TOPAZ1: variants seen among roughly 807,000 people sequenced by gnomAD.
TOPAZ1 encodes testis and ovary specific TOPAZ 1.
A neutral mutation model predicts 172.2 loss-of-function variants in TOPAZ1; 66 were observed. That is an observed-to-expected ratio of 0.38 (90% CI 0.31 to 0.47). The LOEUF (loss-of-function observed/expected upper bound fraction) is 0.47. TOPAZ1 is among the 20% of genes least tolerant of loss of function. The pLI, the probability that TOPAZ1 is intolerant of heterozygous loss-of-function variation, is 0.99. For synonymous variants in TOPAZ1, 681 were observed against 683.9 expected, an observed-to-expected ratio of 1.00 and a Z score of 0.07; for missense variants, 1,822 against 1,972.4, an observed-to-expected ratio of 0.92 and a Z score of 1.44.
chr3:44,250,456 A>G (rs1277309458), intron 2 of TOPAZ1, among the ~76,000 whole-genome samples: 1 of 152,110 alleles, frequency 6.6e-6, no homozygotes, highest in Non-Finnish European at 1.5e-5. Context: ...AAGAACTGAT[A>G]TTTAATGTCT....
intron 8 of TOPAZ1, among the ~76,000 whole-genome samples, chr3:44,279,834 G>A (rs373167247): frequency 3.9e-5 from 6 of 152,112 alleles, no homozygotes; most frequent in South Asian, 2.1e-4. Flanking sequence ...ATGTGTGAGG[G>A]CTTATTCCTG....
chr3:44,330,832 A>G (rs1402908850), intron 19 of TOPAZ1, among the ~76,000 whole-genome samples: 1 of 152,242 alleles, frequency 6.6e-6, no homozygotes, highest in African/African-American at 2.4e-5. Context: ...TGTGAATTTT[A>G]TGCAGGTCAG....
At chr3:44,309,752 T>G (rs1248198359) in intron 15 of TOPAZ1, 73 bp from the exon 16 acceptor site, 5 of 1,116,024 alleles carry the variant, frequency 4.5e-6, no homozygotes, top group Admixed American at 5.6e-5. Context: ...ACTTGGCTTG[T>G]GAATAATTAT....
chr3:44,331,148 G>T (rs969262257), intron 19 of TOPAZ1, among the ~76,000 whole-genome samples: 29 of 152,142 alleles, frequency 1.9e-4, no homozygotes, highest in Non-Finnish European at 2.9e-5. Flanking sequence ...AAAGATTTAG[G>T]TAATTAGCTG....
chr3:44,321,780 T>A (rs1700508108), intron 17 of TOPAZ1, among the ~76,000 whole-genome samples: 1 of 152,222 alleles, frequency 6.6e-6, no homozygotes, highest in South Asian at 2.1e-4. Context: ...TTAATTCCAC[T>A]GTGCTCCTGT....
intron 2 of TOPAZ1, among the ~76,000 whole-genome samples, chr3:44,247,648 G>A (rs1031971402): frequency 2.0e-5 from 3 of 151,952 alleles, no homozygotes; most frequent in African/African-American, 4.8e-5. Flanking sequence ...CTCTAATCTT[G>A]ACTATTTTTG....
In TOPAZ1 at chr3:44,303,998, CTT is replaced by C. The variant is rs1014174550; in HGVS notation, c.3798-14_3798-13del. The C allele has an allele frequency of 6.7e-6, 10 of 1,484,056 alleles. No homozygotes were observed. Among genetic ancestry groups the C allele is most frequent in the Non-Finnish European group, 9.2e-6 (10 of 1,090,436 alleles). 91.9% of individuals were successfully genotyped at this position (1,484,056 alleles called of 1,614,324 possible). A position where few individuals can be genotyped will look rare whatever the true frequency, so the allele number is the denominator to read the frequency against. ...AGGGGTGAATATAGTATAATTAACT[CTT>C]TTCTTTTGTTAAAGGTTACAGATGA... On this transcript the variant is annotated splice_polypyrimidine_tract_variant and intron_variant, in intron 12 of 19. Coordinates refer to ENST00000309765, the MANE Select transcript of TOPAZ1 (RefSeq NM_001145030.2).
intron 6 of TOPAZ1, among the ~76,000 whole-genome samples, chr3:44,267,729 T>G (rs1278962314): frequency 6.6e-6 from 1 of 152,208 alleles, no homozygotes; most frequent in Non-Finnish European, 1.5e-5. Flanking sequence ...TTGTGTCAGT[T>G]TTTTGATAAT....
At chr3:44,249,729 G>C (rs1054697069) in intron 2 of TOPAZ1, among the ~76,000 whole-genome samples, 2 of 152,132 alleles carry the variant, frequency 1.3e-5, no homozygotes, top group Admixed American at 1.3e-4. Flanking sequence ...ATTCCTATTT[G>C]AGAATATCGC....
At chr3:44,312,599 C>A (rs916093479) in intron 16 of TOPAZ1, among the ~76,000 whole-genome samples, 1 of 152,142 alleles carries the variant, frequency 6.6e-6, no homozygotes, top group Non-Finnish European at 1.5e-5. Flanking sequence ...ATTGTTTTGG[C>A]ATTTCACTTT....
At chr3:44,246,250 T>C (rs1699565505) in intron 2 of TOPAZ1, among the ~76,000 whole-genome samples, 1 of 141,192 alleles carries the variant, frequency 7.1e-6, no homozygotes, top group South Asian at 2.1e-4. Flanking sequence ...GAACTTAATC[T>C]ATTCTGTTTG....
intron 15 of TOPAZ1, among the ~76,000 whole-genome samples, chr3:44,307,558 A>G (rs1204390408): frequency 1.3e-5 from 2 of 152,146 alleles, no homozygotes; most frequent in Non-Finnish European, 2.9e-5. Flanking sequence ...AGAGGACAGG[A>G]AATCCAAAAT....
intron 13 of TOPAZ1, among the ~76,000 whole-genome samples, chr3:44,304,749 A>C (rs2125699653): frequency 6.6e-6 from 1 of 152,366 alleles, no homozygotes; most frequent in South Asian, 2.1e-4. Flanking sequence ...ATGGCCAGAT[A>C]ACATTAAAAT....
At chr3:44,286,420 A>G (rs1412841630) in intron 9 of TOPAZ1, among the ~76,000 whole-genome samples, 10 of 152,218 alleles carry the variant, frequency 6.6e-5, no homozygotes, top group Non-Finnish European at 1.0e-4. Flanking sequence ...TGCCAAAAGT[A>G]TAGCAGCAAG....
At chr3:44,251,971 TC>T (rs969788185) in intron 2 of TOPAZ1, among the ~76,000 whole-genome samples, 1 of 152,214 alleles carries the variant, frequency 6.6e-6, no homozygotes, top group African/African-American at 2.4e-5. Flanking sequence ...GATTTTTTTT[TC>T]ACCCAGGTGA....
Position 44,243,318 on chromosome 3 carries a change from A to C in TOPAZ1, c.812A>C (p.Lys271Thr), listed in dbSNP as rs557614641. ...GAAAACCTTAGGAGTCTTGCAGAGAAGAGTGACACAAATAGTATTCCTCAG... is the reference window on the plus strand; with the variant it reads ...GAAAACCTTAGGAGTCTTGCAGAGACGAGTGACACAAATAGTATTCCTCAG... ...KKENLRSLAE[K>T]SDTNSIPQLL... The change falls in exon 2 of 20, where the codon AAG (lysine) becomes ACG (threonine). Residue 271 changes from lysine (K) to threonine (T), a missense_variant. Physicochemically the swap from Lys to Thr is moderately conservative, Grantham distance 78 (BLOSUM62 -1). Around this residue, in one of 2 missense-constraint regions of TOPAZ1, gnomAD observed 1,489 missense variants for 1,490.8 expected, o/e 1.00. Coordinates refer to ENST00000309765, the MANE Select transcript of TOPAZ1 (RefSeq NM_001145030.2). 3.2e-6 allele frequency: 5 copies of C among 1,551,544 alleles called. No individual in the cohort carries two copies. The Admixed American group carries it at 7.8e-5, about 24-fold the overall frequency.
At chr3:44,293,291 C>T (rs985843699) in intron 12 of TOPAZ1, among the ~76,000 whole-genome samples, 2 of 152,090 alleles carry the variant, frequency 1.3e-5, no homozygotes, top group Non-Finnish European at 2.9e-5. Flanking sequence ...AGAGTGTACT[C>T]CTACTTATAT....
chr3:44,277,322 A>G (rs1433377555), intron 8 of TOPAZ1, among the ~76,000 whole-genome samples: 2 of 152,154 alleles, frequency 1.3e-5, no homozygotes, highest in East Asian at 1.9e-4. Flanking sequence ...TAGAAACACT[A>G]TTAATTTTTG....
In TOPAZ1 at chr3:44,269,239, T is replaced by C. The variant is rs1699866574; in HGVS notation, c.3184T>C (p.Ser1062Pro). The part of the protein sequence containing the change: ...MNDFRFLGKH[S>P]VLKLQNPETC... ...AGATTTCAGATTTCTGGGAAAACATTCTGTCCTAAAGCTGCAGAATCCTGA... is the reference window on the plus strand; with the variant it reads ...AGATTTCAGATTTCTGGGAAAACATCCTGTCCTAAAGCTGCAGAATCCTGA... Residue 1062 changes from serine (S) to proline (P), a missense_variant, in exon 7 of 20, where the codon TCT becomes CCT. Around this residue, in one of 2 missense-constraint regions of TOPAZ1, gnomAD observed 1,489 missense variants for 1,490.8 expected, o/e 1.00. Transcript: ENST00000309765. 6.5e-7 allele frequency: 1 copy of C among 1,549,056 alleles called. No individual in the cohort carries two copies. The highest frequency in any genetic ancestry group is 2.0e-5 in the Admixed American group (1 of 50,908).
Sources: gnomAD v4.1 joint callset for allele counts (sites outside exome capture counted in the v4.1 genomes callset) on GRCh38, gnomAD v4.1.1 for gene constraint, gnomAD v4.1.1 regional missense constraint, MANE v1.5 for transcripts, NCBI Gene and HGNC (gene_info 2026-07-23, HGNC 2026-07-21) for gene names.